The following SEMA3A variants were observed in gnomAD, a reference collection of about 807,000 sequenced individuals.
SEMA3A encodes semaphorin 3A.
A neutral mutation model predicts 97.9 loss-of-function variants in SEMA3A; 29 were observed. The observed-to-expected ratio is 0.30, with a 90% CI of 0.22 to 0.40. SEMA3A has a LOEUF of 0.40. Ranked by LOEUF, SEMA3A falls within the 10% of genes least tolerant of loss-of-function variation. SEMA3A has a pLI of 1.00. For synonymous variants in SEMA3A, 321 were observed against 323.7 expected (o/e 0.99, Z 0.09); for missense variants, 763 against 951.3 (o/e 0.80, Z 2.60).
chr7:84,425,569 T>G (rs1451405000), intron 1 of SEMA3A, among the ~76,000 whole-genome samples: 2 of 145,788 alleles, frequency 1.4e-5, no homozygotes, highest in African/African-American at 5.0e-5. Context: ...TATATGAGTA[T>G]AAACATATAT....
intron 4 of SEMA3A, among the ~76,000 whole-genome samples, chr7:84,079,878 A>G (rs1237245821): frequency 6.8e-6 from 1 of 146,988 alleles, no homozygotes; most frequent in East Asian, 2.0e-4. Flanking sequence ...ACTATAAATT[A>G]TGCTGCTATA....
chr7:84,423,814 A>T (rs1804667932), intron 1 of SEMA3A, among the ~76,000 whole-genome samples: 1 of 152,028 alleles, frequency 6.6e-6, no homozygotes, highest in Non-Finnish European at 1.5e-5. Context: ...CAAGAAAAAA[A>T]TAATAATTTC....
chr7:84,185,147 A>T (rs71558714), intron 1 of SEMA3A, among the ~76,000 whole-genome samples: 9,592 of 152,262 alleles, frequency 0.063, 366 homozygotes, highest in African/African-American at 0.1. Context: ...TTGTGGATAT[A>T]CACAACACAC....
intron 3 of SEMA3A, among the ~76,000 whole-genome samples, chr7:84,118,479 AT>A (rs1374587227): frequency 1.3e-5 from 2 of 152,154 alleles, no homozygotes; most frequent in African/African-American, 4.8e-5. Flanking sequence ...AGCTGCAACC[AT>A]TACACTCCCC....
chr7:84,428,564 A>T (rs1156861846), intron 1 of SEMA3A, among the ~76,000 whole-genome samples: 6 of 151,980 alleles, frequency 3.9e-5, no homozygotes, highest in African/African-American at 1.4e-4. Flanking sequence ...ATATTGTCCT[A>T]TTTGAGAATT....
At chr7:84,115,084 T>C (rs1045779872) in intron 3 of SEMA3A, among the ~76,000 whole-genome samples, 3 of 152,100 alleles carry the variant, frequency 2.0e-5, no homozygotes, top group African/African-American at 7.2e-5. Context: ...ATCAATGCTT[T>C]TATATTTTTT....
chr7:84,361,532 T>C (rs778699824), intron 2 of SEMA3A, among the ~76,000 whole-genome samples: 1 of 151,978 alleles, frequency 6.6e-6, no homozygotes, highest in Non-Finnish European at 1.5e-5. Flanking sequence ...GGAGTTAGAT[T>C]TTCTAAATAT....
At chr7:84,036,779 C>A (rs182658464) in intron 6 of SEMA3A, among the ~76,000 whole-genome samples, 4 of 151,930 alleles carry the variant, frequency 2.6e-5, no homozygotes, top group Non-Finnish European at 5.9e-5. Context: ...ATTGTTTTTA[C>A]GGACAACCAT....
At chr7:84,433,269 C>A (rs190781401) in intron 1 of SEMA3A, among the ~76,000 whole-genome samples, 14 of 149,638 alleles carry the variant, frequency 9.4e-5, no homozygotes, top group Non-Finnish European at 1.9e-4. Flanking sequence ...ATGTTCCCCT[C>A]CCTGTGTCCA....
chr7:84,038,009 T>C (rs963854997), intron 6 of SEMA3A, among the ~76,000 whole-genome samples: 4 of 152,112 alleles, frequency 2.6e-5, no homozygotes, highest in African/African-American at 9.7e-5. Flanking sequence ...TAAAGACCCT[T>C]TACCTGAATA....
chr7:84,429,792 A>T (rs1332144922), intron 1 of SEMA3A, among the ~76,000 whole-genome samples: 2 of 151,478 alleles, frequency 1.3e-5, no homozygotes, highest in Non-Finnish European at 1.5e-5. Flanking sequence ...CGGTGTAAAT[A>T]CTTACATAAT....
At position 84,134,835 on chromosome 7, in the gene SEMA3A, T is replaced by C. The variant is rs746952334; in HGVS notation, c.229A>G (p.Ile77Val). The part of the protein sequence containing the change: ...SRLYVGAKDH[I>V]FSFDLVNIKD... Reference sequence around the variant, plus strand: ...ATATTAACCAGGTCGAATGAAAATATGTGATCCTTTGCTCCAACATACAGC... The same window carrying C: ...ATATTAACCAGGTCGAATGAAAATACGTGATCCTTTGCTCCAACATACAGC... The change falls in exon 2 of 17, where the codon ATA becomes GTA. Residue 77 changes from isoleucine (I) to valine (V), a missense_variant. This residue lies in a region of SEMA3A where 678 missense variants were observed against 881.3 expected (regional missense o/e 0.77). Transcript: ENST00000265362. 3.0e-5 allele frequency: 48 copies of C among 1,613,282 alleles called. No individual in the cohort carries two copies. Among genetic ancestry groups the C allele is most frequent in the Middle Eastern group, 3.3e-4 (2 of 6,080 alleles).
intron 6 of SEMA3A, among the ~76,000 whole-genome samples, chr7:84,029,838 C>CACACAT (rs1554397098): frequency 4.4e-4 from 66 of 151,062 alleles, no homozygotes; most frequent in East Asian, 7.8e-4. Context: ...CACACACACA[C>CACACAT]ATTTTAGAAA....
chr7:84,145,522 TAA>T (rs1260061406), intron 1 of SEMA3A, among the ~76,000 whole-genome samples: 13 of 152,316 alleles, frequency 8.5e-5, no homozygotes, highest in Admixed American at 3.9e-4. Context: ...CTTTGCTAAT[TAA>T]GTTATAAATT....
rs997427600 is a variant in SEMA3A, at chr7:83,961,711, G to C, written c.1976C>G (p.Thr659Ser). ...CHAVEHGFIQ[T>S]LLKVTLEVID... is the part of the protein sequence containing the mutation. ...GACTTCCAGGGTTACCTTAAGAAGA[G>C]TTTGTATGAACCCATGTTCCACCGC... The change falls in exon 17 of 17, where the codon ACT becomes AGT. Residue 659 changes from threonine to serine, a missense_variant. By Grantham distance (58) the Thr-to-Ser change is moderately conservative (BLOSUM62 1). Transcript: ENST00000265362. 6.2e-7 allele frequency: 1 copy of C among 1,613,514 alleles called. No homozygotes were observed. The highest frequency in any genetic ancestry group is 1.3e-5 in the African/African-American group (1 of 74,894).
intron 1 of SEMA3A, among the ~76,000 whole-genome samples, chr7:84,437,383 A>G (rs542813246): frequency 1.3e-5 from 2 of 152,156 alleles, no homozygotes; most frequent in Non-Finnish European, 2.9e-5. Flanking sequence ...TTTCCAGTTA[A>G]TAGTCCGACA....
At chr7:84,034,897 G>A (rs1791886978) in intron 6 of SEMA3A, among the ~76,000 whole-genome samples, 1 of 151,744 alleles carries the variant, frequency 6.6e-6, no homozygotes, top group African/African-American at 2.4e-5. Context: ...ACTTTCTTTT[G>A]AATAAGCACG....
chr7:84,094,682 A>T (rs924539580), intron 4 of SEMA3A, among the ~76,000 whole-genome samples: 10 of 151,960 alleles, frequency 6.6e-5, no homozygotes, highest in Non-Finnish European at 1.3e-4. Context: ...ATTCTAAAAT[A>T]AAAAAAACCC....
At chr7:84,194,956 C>T (rs923498710), upstream of SEMA3A, 11 of 164,420 alleles carry the variant, frequency 6.7e-5, no homozygotes, top group Admixed American at 1.3e-4. Flanking sequence ...AGTCTCTAAT[C>T]CTGCTCCCTG....
Sources: allele counts gnomAD v4.1 joint callset (sites outside exome capture counted in the v4.1 genomes callset), GRCh38; gene constraint gnomAD v4.1.1; regional missense constraint gnomAD v4.1.1; transcripts MANE v1.5; gene names NCBI Gene and HGNC (gene_info 2026-07-23, HGNC 2026-07-21).